GADL1: variants seen among roughly 807,000 people sequenced by gnomAD.
The protein encoded by GADL1 is GAD like acidic amino acid decarboxylase 1.
Under a neutral mutation model 69.5 loss-of-function variants are expected in GADL1, and 71 were observed. The ratio of observed to expected loss-of-function variants is 1.02; its 90% CI spans 0.84 to 1.25. GADL1 has a LOEUF of 1.25. GADL1 is among the 50% of genes most tolerant of loss of function. The probability of loss-of-function intolerance (pLI) is 0.00; values close to 1 mark genes in which losing one functional copy is unlikely to be tolerated. For missense variants in GADL1, 737 were observed against 631.8 expected, an observed-to-expected ratio of 1.17 and a Z score of -1.79; for synonymous variants, 254 against 214.4, an observed-to-expected ratio of 1.18 and a Z score of -1.62.
intron 14 of GADL1, among the ~76,000 whole-genome samples, chr3:30,774,325 T>C (rs1294526193): frequency 6.6e-6 from 1 of 152,148 alleles, no homozygotes; most frequent in Non-Finnish European, 1.5e-5. Flanking sequence ...AGAAGCTTGG[T>C]TATAATTATT....
intron 1 of GADL1, among the ~76,000 whole-genome samples, chr3:30,866,978 C>T (rs1698413241): frequency 6.6e-6 from 1 of 152,132 alleles, no homozygotes; most frequent in African/African-American, 2.4e-5. Context: ...CCCTCCACAA[C>T]CTGTGGCCCA....
intron 6 of GADL1, among the ~76,000 whole-genome samples, chr3:30,847,000 T>C (rs1698069783): frequency 6.6e-6 from 1 of 152,228 alleles, no homozygotes; most frequent in Non-Finnish European, 1.5e-5. Flanking sequence ...GGTTTCTTTT[T>C]ACCCTACTTT....
rs1198179362 is a variant in GADL1 at position 30,850,698 on chromosome 3, T to C, written c.535+137A>G. ...AATATTATCACTCTGGAGAAAGGCA[T>C]AAGCTAGATTCTCAGCAAGTAGAAT... On this transcript the variant is annotated intron_variant, in intron 5 of 14. Transcript: ENST00000282538. 4.9e-6 allele frequency: 3 copies of C among 614,140 alleles called. No individual in the cohort carries two copies. In the Admixed American group the frequency reaches 8.3e-5, roughly 17 times the overall value. The allele number at this position is 614,140 out of a possible 1,614,324, so 38.0% of individuals were successfully genotyped here.
intron 9 of GADL1, 79 bp downstream of exon 9, chr3:30,838,918 T>G: frequency 6.1e-6 from 5 of 821,790 alleles, no homozygotes; most frequent in South Asian, 5.3e-5. Flanking sequence ...ACATCTAGTT[T>G]CTGAGAATAA....
intron 14 of GADL1, among the ~76,000 whole-genome samples, chr3:30,748,799 C>T (rs755206255): frequency 6.6e-5 from 10 of 152,050 alleles, no homozygotes; most frequent in African/African-American, 1.4e-4. Context: ...ATAATTCAAC[C>T]GTTACATTTT....
intron 1 of GADL1, among the ~76,000 whole-genome samples, chr3:30,874,645 A>G (rs764148971): frequency 5.9e-5 from 9 of 151,984 alleles, no homozygotes; most frequent in Non-Finnish European, 7.4e-5. Flanking sequence ...AGTGTTATCT[A>G]CATTCCACCA....
intron 14 of GADL1, among the ~76,000 whole-genome samples, chr3:30,757,127 C>T (rs1206306331): frequency 6.6e-6 from 1 of 152,072 alleles, no homozygotes; most frequent in Admixed American, 6.6e-5. Context: ...AGAAAGACTG[C>T]TCTTAATTCA....
At chr3:30,841,175 C>T (rs1313715615) in intron 8 of GADL1, among the ~76,000 whole-genome samples, 1 of 152,150 alleles carries the variant, frequency 6.6e-6, no homozygotes, top group Non-Finnish European at 1.5e-5. Context: ...ATGAACCAGT[C>T]ATCATGTATT....
intron 1 of GADL1, among the ~76,000 whole-genome samples, chr3:30,877,855 T>G (rs1698599093): frequency 1.3e-5 from 2 of 151,936 alleles, no homozygotes; most frequent in South Asian, 4.1e-4. Context: ...CATAATAGAT[T>G]TTAATATTTA....
chr3:30,750,483 C>A (rs1330880129), intron 14 of GADL1, among the ~76,000 whole-genome samples: 1 of 152,158 alleles, frequency 6.6e-6, no homozygotes, highest in East Asian at 1.9e-4. Flanking sequence ...TTCCAAAACA[C>A]CAGGTCTACC....
chr3:30,881,905 C>T (rs896108011), intron 1 of GADL1, among the ~76,000 whole-genome samples: 10 of 151,880 alleles, frequency 6.6e-5, no homozygotes, highest in Non-Finnish European at 1.5e-4. Context: ...CCTCCTGTTG[C>T]TGTCTTGCCT....
intron 11 of GADL1, among the ~76,000 whole-genome samples, chr3:30,829,498 T>C (rs1406311330): frequency 6.6e-6 from 1 of 151,882 alleles, no homozygotes; most frequent in Non-Finnish European, 1.5e-5. Flanking sequence ...CCAATTAGAA[T>C]CACTATTCAT....
At chr3:30,815,735 C>A (rs551295123) in intron 11 of GADL1, among the ~76,000 whole-genome samples, 8 of 152,148 alleles carry the variant, frequency 5.3e-5, no homozygotes, top group African/African-American at 1.7e-4. Flanking sequence ...ATTAAACAAT[C>A]AGGTTTTATC....
chr3:30,867,439 T>TATATATATATATATATATATACAC lies in GADL1; in HGVS notation c.38-5675_38-5674insGTGTATATATATATATATATATAT, dbSNP rs1319135425. The stretch of plus-strand genomic sequence containing the variant: ...ACAATACTACATATATATATATATA[T>TATATATATATATATATATATACAC]ACACATATATGTATATATATACATA... On this transcript the variant is annotated intron_variant, in intron 1 of 14. Transcript: ENST00000282538. Among the ~76,000 whole-genome samples the TATATATATATATATATATATACAC allele has an allele frequency of 6.7e-4, 93 of 138,854 alleles. 1 individual carries two copies. In the Middle Eastern group the frequency reaches 0.023, roughly 34 times the overall value. The allele number at this position is 138,854 out of a possible 152,430, so 91.1% of individuals were successfully genotyped here. A position where few individuals can be genotyped will look rare whatever the true frequency, so the allele number is the denominator to read the frequency against.
intron 14 of GADL1, among the ~76,000 whole-genome samples, chr3:30,762,192 TGAAGA>T (rs930372661): frequency 3.3e-5 from 5 of 152,116 alleles, no homozygotes; most frequent in Admixed American, 2.0e-4. Context: ...CCTCTAACAG[TGAAGA>T]GAAGAGGGGC....
chr3:30,891,727 G>A (rs1228848867), intron 1 of GADL1, among the ~76,000 whole-genome samples: 1 of 152,134 alleles, frequency 6.6e-6, no homozygotes, highest in African/African-American at 2.4e-5. Context: ...GATGGTATTT[G>A]TAGTTCGGCA....
At chr3:30,849,182 C>G (rs563655942) in intron 6 of GADL1, among the ~76,000 whole-genome samples, 8 of 152,254 alleles carry the variant, frequency 5.3e-5, no homozygotes, top group Admixed American at 6.5e-5. Flanking sequence ...AGCTGAGCCA[C>G]TCGTAGATGG....
intron 1 of GADL1, among the ~76,000 whole-genome samples, chr3:30,864,374 T>C (rs1698364920): frequency 6.6e-6 from 1 of 151,730 alleles, no homozygotes. Flanking sequence ...CGTGTGTGTG[T>C]GTGTCACACA....
intron 14 of GADL1, among the ~76,000 whole-genome samples, chr3:30,734,373 ATAAATATGAACTGAATTATTCTGCCTG>A (rs1350296748): frequency 1.3e-5 from 2 of 152,210 alleles, no homozygotes; most frequent in African/African-American, 4.8e-5. Context: ...ATATCTGACC[ATAAATATGAACTGAATTATTCTGCCTG>A]TAAATATGAA....
Sources: allele counts gnomAD v4.1 joint callset (sites outside exome capture counted in the v4.1 genomes callset), GRCh38; gene constraint gnomAD v4.1.1; transcripts MANE v1.5; gene names NCBI Gene and HGNC (gene_info 2026-07-23, HGNC 2026-07-21).